The following AFF1 variants were observed in gnomAD, a reference collection of about 807,000 sequenced individuals.
The protein encoded by AFF1 is ALF transcription elongation factor 1, also known as AF4/FMR2 family member 1.
A neutral mutation model predicts 121.7 loss-of-function variants in AFF1; 48 were observed. That is an observed-to-expected ratio of 0.39 (90% CI 0.31 to 0.50). AFF1 has a LOEUF of 0.50. Ranked by LOEUF, AFF1 falls within the 20% of genes least tolerant of loss-of-function variation. The probability of loss-of-function intolerance (pLI) is 0.76; values close to 1 mark genes in which losing one functional copy is unlikely to be tolerated. For missense variants in AFF1, 1,523 were observed against 1,511.7 expected (o/e 1.01, Z -0.12); for synonymous variants, 613 against 563.0 (o/e 1.09, Z -1.26).
At chr4:87,080,386 A>G (rs1723050608) in intron 4 of AFF1, among the ~76,000 whole-genome samples, 1 of 152,240 alleles carries the variant, frequency 6.6e-6, no homozygotes, top group Non-Finnish European at 1.5e-5. Flanking sequence ...TGTACATTGA[A>G]TGTCTTCAGC....
In AFF1 at chr4:86,994,478, ATCT is replaced by A. The variant is rs1369667343; in HGVS notation, c.38+45908_38+45910del. ...CCCAGATTATGCAATCTGGGGGCAG[ATCT>A]CACCTGCAAACACATGTGTAAAAGG... On this transcript the variant is annotated intron_variant, in intron 2 of 20. Coordinates refer to ENST00000395146, the MANE Select transcript of AFF1 (RefSeq NM_001166693.3). Among the ~76,000 whole-genome samples, 3 of 152,350 alleles carry A rather than the reference ATCT, an allele frequency of 2.0e-5. No homozygotes were observed. The East Asian group carries it at 5.8e-4, about 29-fold the overall frequency.
At chr4:86,997,242 C>G (rs1486605867) in intron 2 of AFF1, among the ~76,000 whole-genome samples, 1 of 152,088 alleles carries the variant, frequency 6.6e-6, no homozygotes, top group Non-Finnish European at 1.5e-5. Context: ...AGGAAGAGAC[C>G]TGCAGTAGCA....
chr4:87,047,510 A>G lies in AFF1; in HGVS notation c.975A>G (p.Arg325=). The change falls in exon 4 of 21, where the codon CGA becomes CGG. Residue 325 remains arginine, a synonymous_variant. Transcript: ENST00000395146. ...TGAAACCACTGCCGGAGGACTATCGACAGCAGACCTTTGAAAAAACAGACT... is the reference window on the plus strand; with the variant it reads ...TGAAACCACTGCCGGAGGACTATCGGCAGCAGACCTTTGAAAAAACAGACT... The part of the protein sequence containing the change: ...PELKPLPEDY[R]QQTFEKTDLK... The G allele has an allele frequency of 1.2e-6, 2 of 1,614,194 alleles. No individual in the cohort carries two copies. The highest frequency in any genetic ancestry group is 8.5e-7 in the Non-Finnish European group (1 of 1,180,032).
rs969544338 is a variant in AFF1 at position 87,126,341 on chromosome 4, G to A, written c.2811+5G>A. 15 of 1,612,780 alleles carry A rather than the reference G, an allele frequency of 9.3e-6. No homozygotes were observed. The African/African-American group carries it at 2.0e-4, about 22-fold the overall frequency. ...AGAAGCTCCTCGGAGCACAAGGTGA[G>A]CAGGGGCGGCGGTCACTCTGTAAGA... On this transcript the variant is annotated splice_donor_5th_base_variant and intron_variant, in intron 14 of 20. Transcript: ENST00000395146.
At chr4:87,001,207 C>CTTTTT (rs34072831) in intron 2 of AFF1, among the ~76,000 whole-genome samples, 2,551 of 60,288 alleles carry the variant, frequency 0.042, 845 homozygotes, top group Non-Finnish European at 0.048. Context: ...CCTTTTTCTA[C>CTTTTT]TTTTTTTTTT....
intron 2 of AFF1, among the ~76,000 whole-genome samples, chr4:86,958,718 AAAAAT>A (rs1368051050): frequency 1.3e-4 from 20 of 152,242 alleles, no homozygotes; most frequent in African/African-American, 3.8e-4. Context: ...ACTCTCTCAA[AAAAAT>A]AAAATAAAAT....
intron 2 of AFF1, among the ~76,000 whole-genome samples, chr4:86,967,831 A>C (rs1433986438): frequency 2.0e-5 from 3 of 152,094 alleles, no homozygotes; most frequent in Non-Finnish European, 4.4e-5. Flanking sequence ...TGGCAAGTGG[A>C]GATGTTAAGT....
At chr4:87,087,374 G>A (rs186096829) in intron 5 of AFF1, among the ~76,000 whole-genome samples, 2 of 152,342 alleles carry the variant, frequency 1.3e-5, no homozygotes, top group Non-Finnish European at 1.5e-5. Context: ...AGGCTAGGCA[G>A]AGGGAAGAAC....
intron 12 of AFF1, among the ~76,000 whole-genome samples, chr4:87,124,653 AATC>A (rs1728039518): frequency 6.6e-6 from 1 of 152,218 alleles, no homozygotes; most frequent in South Asian, 2.1e-4. Context: ...CCTCATAAAA[AATC>A]ATCTCTGTAT....
chr4:86,999,539 A>C (rs1725517849), intron 2 of AFF1, among the ~76,000 whole-genome samples: 1 of 152,198 alleles, frequency 6.6e-6, no homozygotes, highest in Non-Finnish European at 1.5e-5. Context: ...GTGCCTTTTC[A>C]TGCCCAGGAA....
chr4:86,967,723 T>C (rs1450182063), intron 2 of AFF1, among the ~76,000 whole-genome samples: 1 of 152,002 alleles, frequency 6.6e-6, no homozygotes, highest in Non-Finnish European at 1.5e-5. Flanking sequence ...TTCTTAATCA[T>C]TGGTTTTGTC....
rs369074699 is a variant in AFF1 at position 87,094,902 on chromosome 4, C to T, written c.1229-13C>T. 3.7e-6 allele frequency: 6 copies of T among 1,612,470 alleles called. No individual in the cohort carries two copies. Among genetic ancestry groups the T allele is most frequent in the Middle Eastern group, 1.6e-4 (1 of 6,062 alleles). ...GTGTCATTGTGCTGCTTTGATGTTT[C>T]TCTCCCCCACAGAACAATATGATAC... On this transcript the variant is annotated splice_polypyrimidine_tract_variant and intron_variant, in intron 7 of 20. Coordinates refer to ENST00000395146, the MANE Select transcript of AFF1 (RefSeq NM_001166693.3).
intron 4 of AFF1, among the ~76,000 whole-genome samples, chr4:87,075,406 C>A (rs1203645845): frequency 1.3e-5 from 2 of 151,954 alleles, no homozygotes; most frequent in African/African-American, 2.4e-5. Flanking sequence ...ATATATATAT[C>A]TCCTATCTAC....
intron 2 of AFF1, among the ~76,000 whole-genome samples, chr4:86,962,339 T>A (rs1722214696): frequency 6.6e-6 from 1 of 152,146 alleles, no homozygotes; most frequent in African/African-American, 2.4e-5. Context: ...AGACAGGTAA[T>A]GCTGGGCAAT....
chr4:87,073,453 A>G (rs75577786), intron 4 of AFF1, among the ~76,000 whole-genome samples: 2,353 of 152,174 alleles, frequency 0.015, 66 homozygotes, highest in African/African-American at 0.054. Flanking sequence ...CTCAGAGTAT[A>G]TATGCCTCTA....
chr4:87,004,257 T>TGAGG (rs1359071456), intron 2 of AFF1, among the ~76,000 whole-genome samples: 1 of 151,962 alleles, frequency 6.6e-6, no homozygotes, highest in East Asian at 1.9e-4. Flanking sequence ...TGTGGAGAGG[T>TGAGG]GAGGGAGACA....
chr4:86,997,294 C>G (rs879284337), intron 2 of AFF1, among the ~76,000 whole-genome samples: 31 of 152,182 alleles, frequency 2.0e-4, no homozygotes, highest in Non-Finnish European at 4.1e-4. Flanking sequence ...CTTTGGGACT[C>G]TAGAGTCCCC....
chr4:87,070,281 C>T (rs930108979), intron 4 of AFF1, among the ~76,000 whole-genome samples: 17 of 152,190 alleles, frequency 1.1e-4, no homozygotes, highest in African/African-American at 3.9e-4. Flanking sequence ...GGAGTAGAGG[C>T]GTGAGCCACT....
intron 2 of AFF1, among the ~76,000 whole-genome samples, chr4:86,982,527 G>A (rs1360474976): frequency 6.7e-6 from 1 of 150,158 alleles, no homozygotes; most frequent in Non-Finnish European, 1.5e-5. Flanking sequence ...ATTAGGTCAT[G>A]AGGGTGGAAC....
Sources: gnomAD v4.1 joint callset for allele counts (sites outside exome capture counted in the v4.1 genomes callset) on GRCh38, gnomAD v4.1.1 for gene constraint, MANE v1.5 for transcripts, NCBI Gene and HGNC (gene_info 2026-07-23, HGNC 2026-07-21) for gene names.